Variants in MARCHF1 observed in about 807,000 individuals in gnomAD.
MARCHF1 encodes the protein E3 ubiquitin-protein ligase MARCHF1.
Under a neutral mutation model 54.2 loss-of-function variants are expected in MARCHF1, and 40 were observed. The observed-to-expected ratio is 0.74, with a 90% CI of 0.57 to 0.96. The LOEUF is 0.96. Among genes scored for constraint, MARCHF1 ranks in the 40% least tolerant of loss-of-function variants. The pLI is 0.00. For missense variants in MARCHF1, 586 were observed against 656.5 expected (o/e 0.89, Z 1.17); for synonymous variants, 236 against 236.3 (o/e 1.00, Z 0.01).
intron 1 of MARCHF1, among the ~76,000 whole-genome samples, chr4:164,258,145 G>A (rs1018059652): frequency 1.2e-4 from 18 of 151,920 alleles, no homozygotes; most frequent in Non-Finnish European, 2.2e-4. Context: ...AGCAAACACG[G>A]GAACAGAAAA....
At chr4:164,373,808 T>C (rs754682365) in intron 1 of MARCHF1, among the ~76,000 whole-genome samples, 4 of 152,172 alleles carry the variant, frequency 2.6e-5, no homozygotes, top group Non-Finnish European at 4.4e-5. Context: ...GCTAAGTGAA[T>C]AGGAGCCCAA....
At chr4:163,684,521 T>C (rs551075381) in intron 5 of MARCHF1, among the ~76,000 whole-genome samples, 1 of 152,360 alleles carries the variant, frequency 6.6e-6, no homozygotes, top group East Asian at 1.9e-4. Flanking sequence ...AAGCTAGAAA[T>C]TCCTTCATAA....
At chr4:163,917,881 T>C (rs1579390941) in intron 3 of MARCHF1, among the ~76,000 whole-genome samples, 1 of 152,212 alleles carries the variant, frequency 6.6e-6, no homozygotes, top group East Asian at 1.9e-4. Context: ...AAGTTTCTTT[T>C]GCTGTGCAGA....
At chr4:163,659,480 G>C (rs959810380) in intron 5 of MARCHF1, among the ~76,000 whole-genome samples, 2 of 152,048 alleles carry the variant, frequency 1.3e-5, no homozygotes, top group African/African-American at 4.8e-5. Context: ...TACCATTCAG[G>C]ACATAGGCAT....
At chr4:163,667,027 T>A (rs537064143) in intron 5 of MARCHF1, among the ~76,000 whole-genome samples, 1 of 152,186 alleles carries the variant, frequency 6.6e-6, no homozygotes, top group South Asian at 2.1e-4. Flanking sequence ...CAGCAAAAAA[T>A]TTGTTCAAGA....
rs201820827 is a variant in MARCHF1, at chr4:164,263,123, CAT to C, written c.-323+120745_-323+120746del. On this transcript the variant is annotated intron_variant, in intron 1 of 9. Coordinates refer to ENST00000514618, the MANE Select transcript of MARCHF1 (RefSeq NM_001394959.1). ...AAAAGAAAAGCTATTTTTCAAGGTACATGTGTGTACGCGTGCGTGTGTGTGTG... is the reference window on the plus strand; with the variant it reads ...AAAAGAAAAGCTATTTTTCAAGGTACGTGTGTACGCGTGCGTGTGTGTGTG... Among the ~76,000 whole-genome samples, 1,423 of 151,204 alleles carry C rather than the reference CAT, an allele frequency of 9.4e-3. 45 individuals are homozygous for C. Among genetic ancestry groups the C allele is most frequent in the East Asian group, 0.04 (197 of 4,948 alleles).
intron 8 of MARCHF1, among the ~76,000 whole-genome samples, chr4:163,556,968 T>C (rs950949264): frequency 3.3e-5 from 5 of 152,182 alleles, no homozygotes; most frequent in African/African-American, 4.8e-5. Context: ...GCATTTATTT[T>C]TTTCTGGGGA....
chr4:164,152,291 A>T (rs1729963754), intron 1 of MARCHF1, among the ~76,000 whole-genome samples: 2 of 152,146 alleles, frequency 1.3e-5, no homozygotes, highest in African/African-American at 4.8e-5. Context: ...TTTTTAAAAT[A>T]TATATTGTAT....
chr4:164,213,965 G>C (rs1731853716), intron 1 of MARCHF1, among the ~76,000 whole-genome samples: 1 of 152,052 alleles, frequency 6.6e-6, no homozygotes. Flanking sequence ...ATAAATGCTT[G>C]AGGTGATAGT....
At chr4:163,545,553 G>C (rs779695649) in intron 9 of MARCHF1, 43 bp downstream of exon 9, 1 of 1,588,952 alleles carries the variant, frequency 6.3e-7, no homozygotes, top group Non-Finnish European at 8.6e-7. Context: ...TCTGAGTATT[G>C]TCTTTAGGAT....
chr4:163,772,904 A>G (rs1312185977), intron 4 of MARCHF1, among the ~76,000 whole-genome samples: 1 of 152,122 alleles, frequency 6.6e-6, no homozygotes, highest in African/African-American at 2.4e-5. Context: ...GTGGAAGGAA[A>G]ATCCCTGTAG....
At chr4:163,603,831 C>T (rs1231659945) in intron 7 of MARCHF1, among the ~76,000 whole-genome samples, 2 of 152,026 alleles carry the variant, frequency 1.3e-5, no homozygotes, top group Non-Finnish European at 2.9e-5. Flanking sequence ...TACCTTCCTA[C>T]CTTCTCTGTG....
At chr4:163,691,445 C>T (rs1267419923) in intron 5 of MARCHF1, among the ~76,000 whole-genome samples, 1 of 152,112 alleles carries the variant, frequency 6.6e-6, no homozygotes, top group Non-Finnish European at 1.5e-5. Flanking sequence ...CTCTTTCCCT[C>T]GCACTAGTGT....
intron 1 of MARCHF1, among the ~76,000 whole-genome samples, chr4:164,308,989 G>A (rs1734771405): frequency 6.6e-6 from 1 of 151,428 alleles, no homozygotes; most frequent in Admixed American, 6.6e-5. Flanking sequence ...GAAAGAGAAA[G>A]GAGGATATAG....
At chr4:164,371,157 C>G (rs1384867571) in intron 1 of MARCHF1, among the ~76,000 whole-genome samples, 2 of 152,028 alleles carry the variant, frequency 1.3e-5, no homozygotes, top group African/African-American at 2.4e-5. Context: ...CAGAGTTAGC[C>G]TCACAAATCA....
intron 1 of MARCHF1, among the ~76,000 whole-genome samples, chr4:164,211,560 CAG>C (rs1427617633): frequency 5.9e-5 from 9 of 151,896 alleles, no homozygotes; most frequent in African/African-American, 1.9e-4. Flanking sequence ...GAGAAAAAGA[CAG>C]AAAATTGTAT....
intron 1 of MARCHF1, among the ~76,000 whole-genome samples, chr4:164,227,857 G>C (rs953922825): frequency 2.6e-5 from 4 of 152,074 alleles, no homozygotes; most frequent in Non-Finnish European, 4.4e-5. Flanking sequence ...GTCATACATG[G>C]GGGAAGCACT....
intron 4 of MARCHF1, among the ~76,000 whole-genome samples, chr4:163,782,406 C>T (rs1171170775): frequency 1.3e-5 from 2 of 152,040 alleles, no homozygotes; most frequent in African/African-American, 2.4e-5. Flanking sequence ...TGTGGTGGCT[C>T]ATGCCTGTAT....
chr4:163,596,382 A>G (rs1024335203), intron 7 of MARCHF1, among the ~76,000 whole-genome samples: 1 of 152,050 alleles, frequency 6.6e-6, no homozygotes, highest in East Asian at 1.9e-4. Context: ...TCTACTAAAA[A>G]TACAAAAATT....
Sources: allele counts gnomAD v4.1 joint callset (sites outside exome capture counted in the v4.1 genomes callset), GRCh38; gene constraint gnomAD v4.1.1; transcripts MANE v1.5; gene names NCBI Gene and HGNC (gene_info 2026-07-23, HGNC 2026-07-21).